SLC1A4: variants seen among roughly 807,000 people sequenced by gnomAD.
SLC1A4 encodes solute carrier family 1 member 4, also known as neutral amino acid transporter A.
SLC1A4 carries 19 observed loss-of-function variants against 37.7 expected under a neutral mutation model. The ratio of observed to expected loss-of-function variants is 0.50; its 90% CI spans 0.35 to 0.74. SLC1A4 has a LOEUF of 0.74. Ranked by LOEUF, SLC1A4 falls within the 30% of genes least tolerant of loss-of-function variation. The pLI is 0.01. For missense variants in SLC1A4, 570 were observed against 712.9 expected, an observed-to-expected ratio of 0.80 and a Z score of 2.28; for synonymous variants, 299 against 309.8, an observed-to-expected ratio of 0.97 and a Z score of 0.37.
intron 2 of SLC1A4, 145 bp from the exon 3 acceptor site, chr2:65,003,808 T>G (rs1377583389): frequency 6.4e-6 from 4 of 623,012 alleles, no homozygotes; most frequent in Admixed American, 2.9e-5. Flanking sequence ...CAGAGGCTTT[T>G]GTCAGGCCAG....
rs376906526 is a variant in SLC1A4, at chr2:64,991,726, G to A, written c.527+1556G>A. ...CGCCATTCTCCTGCCTCAGCCTCCC[G>A]AGTAGCTGGGATTACAGGCGCGTGC... On this transcript the variant is annotated intron_variant, in intron 1 of 7. Coordinates refer to ENST00000234256, the MANE Select transcript of SLC1A4 (RefSeq NM_003038.5). Among the ~76,000 whole-genome samples, 5 of 152,236 alleles carry A rather than the reference G, an allele frequency of 3.3e-5. No individual in the cohort carries two copies. The East Asian group carries it at 5.8e-4, about 18-fold the overall frequency.
chr2:65,012,012 G>A (rs896250158), intron 4 of SLC1A4, among the ~76,000 whole-genome samples: 147 of 150,944 alleles, frequency 9.7e-4, no homozygotes, highest in Middle Eastern at 3.4e-3. Flanking sequence ...CAGGCGATCC[G>A]CCTGCCTCAG....
At position 65,001,467 on chromosome 2, in the gene SLC1A4, C is replaced by A. The variant is rs1480581619; in HGVS notation, c.547C>A (p.Leu183Ile). The change falls in exon 2 of 8, where the codon CTT (leucine) becomes ATT (isoleucine). Residue 183 changes from leucine (L) to isoleucine (I), a missense_variant. Transcript: ENST00000234256. ...DLARNLFPSNLVVAAFRTYAT... is the reference protein window; with the variant it reads ...DLARNLFPSNIVVAAFRTYAT... ...CAACAGAAACCTGTTTCCCTCCAAT[C>A]TTGTGGTTGCAGCTTTCCGTACGGT... The A allele has an allele frequency of 3.1e-6, 5 of 1,613,998 alleles. No individual in the cohort carries two copies. The highest frequency in any genetic ancestry group is 4.2e-6 in the Non-Finnish European group (5 of 1,179,880).
chr2:65,008,531 C>T (rs1465651757), intron 3 of SLC1A4, among the ~76,000 whole-genome samples: 1 of 152,160 alleles, frequency 6.6e-6, no homozygotes. Context: ...GTCCCAGCTA[C>T]TCAGGAGGCT....
intron 3 of SLC1A4, among the ~76,000 whole-genome samples, chr2:65,007,854 C>T (rs775497101): frequency 1.2e-4 from 18 of 152,140 alleles, no homozygotes; most frequent in Non-Finnish European, 1.9e-4. Context: ...ATTATTCTAG[C>T]TATTTTGAAA....
chr2:65,009,361 G>A (rs1205281526), intron 3 of SLC1A4, among the ~76,000 whole-genome samples: 7 of 148,080 alleles, frequency 4.7e-5, no homozygotes, highest in Non-Finnish European at 7.4e-5. Context: ...GAACAAGAGC[G>A]AAACTCTGTC....
At chr2:65,005,055 C>A (rs966404512) in intron 3 of SLC1A4, among the ~76,000 whole-genome samples, 39 of 152,290 alleles carry the variant, frequency 2.6e-4, no homozygotes, top group Middle Eastern at 3.4e-3. Context: ...CAGTTTACAT[C>A]CACTTGATAT....
At chr2:65,003,114 GT>G (rs1673542204) in intron 2 of SLC1A4, among the ~76,000 whole-genome samples, 1 of 152,116 alleles carries the variant, frequency 6.6e-6, no homozygotes, top group Non-Finnish European at 1.5e-5. Flanking sequence ...AGGCGGGTGG[GT>G]TTGTTTGAAC....
At chr2:65,020,126 A>G (rs1674355073) in intron 7 of SLC1A4, among the ~76,000 whole-genome samples, 1 of 152,260 alleles carries the variant, frequency 6.6e-6, no homozygotes, top group South Asian at 2.1e-4. Flanking sequence ...GCCGATGGCA[A>G]TGGAACACAT....
rs756743600 is a variant in SLC1A4 at position 64,989,883 on chromosome 2, G to C, written c.240G>C (p.Glu80Asp). The change falls in exon 1 of 8, where the codon GAG (glutamate) becomes GAC (aspartate). Residue 80 changes from glutamate (E) to aspartate (D), a missense_variant. By Grantham distance (45) the Glu-to-Asp change is conservative. Coordinates refer to ENST00000234256, the MANE Select transcript of SLC1A4 (RefSeq NM_003038.5). Reference protein sequence around the residue: ...TQVTYLAFPGEMLLRMLRMII... With the variant: ...TQVTYLAFPGDMLLRMLRMII... ...TCACCTACCTGGCCTTCCCCGGCGAGATGCTGCTCCGCATGCTGCGCATGA... is the reference window on the plus strand; with the variant it reads ...TCACCTACCTGGCCTTCCCCGGCGACATGCTGCTCCGCATGCTGCGCATGA... 139 of 1,547,184 alleles carry C rather than the reference G, an allele frequency of 9.0e-5. 2 individuals carry two copies. In the East Asian group the frequency reaches 2.8e-3, roughly 31 times the overall value.
At chr2:65,010,982 C>G (rs1673897025) in intron 4 of SLC1A4, among the ~76,000 whole-genome samples, 1 of 152,172 alleles carries the variant, frequency 6.6e-6, no homozygotes, top group Admixed American at 6.5e-5. Flanking sequence ...ACCACACTTA[C>G]CAGTCACTTC....
Position 64,990,080 on chromosome 2 carries a change from A to T in SLC1A4, c.437A>T (p.Gln146Leu), listed in dbSNP as rs1454380736. 6.2e-7 allele frequency: 1 copy of T among 1,609,060 alleles called. No homozygotes were observed. Among genetic ancestry groups the T allele is most frequent in the Non-Finnish European group, 8.5e-7 (1 of 1,178,066 alleles). Reference protein sequence around the residue: ...AFIIKPGSGAQTLQSSDLGLE... With the variant: ...AFIIKPGSGALTLQSSDLGLE... ...ATCATCAAGCCAGGATCCGGTGCGC[A>T]GACCCTTCAGTCCAGCGACCTGGGG... The change falls in exon 1 of 8, where the codon CAG (glutamine) becomes CTG (leucine). Residue 146 changes from glutamine (Q) to leucine (L), a missense_variant. Gln to Leu is a moderately radical substitution (Grantham distance 113). Coordinates refer to ENST00000234256, the MANE Select transcript of SLC1A4 (RefSeq NM_003038.5).
At chr2:64,990,516 G>C (rs1339114797) in intron 1 of SLC1A4, among the ~76,000 whole-genome samples, 1 of 152,174 alleles carries the variant, frequency 6.6e-6, no homozygotes, top group Non-Finnish European at 1.5e-5. Context: ...AAAATGTTCC[G>C]ACCACGCCCC....
rs866502373 is a variant in SLC1A4 at position 65,021,375 on chromosome 2, G to A, written c.*229G>A. The A allele has an allele frequency of 5.4e-6, 3 of 559,676 alleles. No individual in the cohort carries two copies. Among genetic ancestry groups the A allele is most frequent in the African/African-American group, 3.8e-5 (2 of 53,170 alleles). The allele number at this position is 559,676 out of a possible 1,614,324, so 34.7% of individuals were successfully genotyped here. ...GACATTCGGCTTGATCCATGTCCAG[G>A]TGCAACTGTGTGTACACCAGGGATC... On this transcript the variant is annotated 3_prime_UTR_variant, in exon 8 of 8. Transcript: ENST00000234256.
intron 1 of SLC1A4, among the ~76,000 whole-genome samples, chr2:64,991,812 A>G (rs1673071889): frequency 6.6e-6 from 1 of 152,144 alleles, no homozygotes; most frequent in Non-Finnish European, 1.5e-5. Flanking sequence ...CATGTTAGCC[A>G]GGATGGTCTT....
At chr2:65,010,466 A>G (rs1437981881) in intron 3 of SLC1A4, 131 bp from the exon 4 acceptor site, 1 of 742,064 alleles carries the variant, frequency 1.3e-6, no homozygotes, top group Non-Finnish European at 2.1e-6. Context: ...AGAATTGCTA[A>G]TTGTTAAAGA....
chr2:65,004,918 C>G (rs929972458), intron 3 of SLC1A4, among the ~76,000 whole-genome samples: 1 of 152,146 alleles, frequency 6.6e-6, no homozygotes, highest in East Asian at 1.9e-4. Context: ...TATATGTATA[C>G]AGAATTACCC....
intron 1 of SLC1A4, among the ~76,000 whole-genome samples, chr2:64,990,878 A>G (rs906218964): frequency 3.9e-5 from 6 of 152,198 alleles, no homozygotes; most frequent in African/African-American, 1.4e-4. Context: ...ATCTTCACTT[A>G]GTTTTGCCTG....
At position 65,016,428 on chromosome 2, in the gene SLC1A4, C is replaced by T. The variant is rs894177924; in HGVS notation, c.801-12C>T. On this transcript the variant is annotated splice_polypyrimidine_tract_variant and intron_variant, in intron 4 of 7. Transcript: ENST00000234256. ...ATCCCCCACTGATGAGTACCCTGTGCTTGTGCCCTAGGTACGTACCTGTGG... is the reference window on the plus strand; with the variant it reads ...ATCCCCCACTGATGAGTACCCTGTGTTTGTGCCCTAGGTACGTACCTGTGG... The T allele has an allele frequency of 5.0e-6, 8 of 1,602,766 alleles. No homozygotes were observed. Among genetic ancestry groups the T allele is most frequent in the Admixed American group, 1.7e-5 (1 of 59,998 alleles).
Sources: gnomAD v4.1 joint callset for allele counts (sites outside exome capture counted in the v4.1 genomes callset) on GRCh38, gnomAD v4.1.1 for gene constraint, MANE v1.5 for transcripts, NCBI Gene and HGNC (gene_info 2026-07-23, HGNC 2026-07-21) for gene names.